MMP24: variants seen among roughly 807,000 people sequenced by gnomAD.
The protein encoded by MMP24 is matrix metallopeptidase 24.
A neutral mutation model predicts 62.8 loss-of-function variants in MMP24; 25 were observed. The observed-to-expected ratio is 0.40, with a 90% CI of 0.29 to 0.56. The LOEUF is 0.56. Among genes scored for constraint, MMP24 ranks in the 20% least tolerant of loss-of-function variants. The pLI, the probability that MMP24 is intolerant of heterozygous loss-of-function variation, is 0.50. For missense variants in MMP24, 634 were observed against 853.6 expected, an observed-to-expected ratio of 0.74 and a Z score of 3.21; for synonymous variants, 319 against 350.5, an observed-to-expected ratio of 0.91 and a Z score of 1.00.
chr20:35,271,652 C>T lies in MMP24; in HGVS notation c.1417C>T (p.Arg473Cys). The T allele has an allele frequency of 7.5e-6, 12 of 1,610,032 alleles. No individual in the cohort carries two copies. The highest frequency in any genetic ancestry group is 1.0e-5 in the Non-Finnish European group (12 of 1,178,310). Reference sequence around the variant, plus strand: ...GGGGGAGCTGGGCAGCTGTTTGCCCCGTGAAGGCATTGACACAGCTCTGCG... The same window carrying T: ...GGGGGAGCTGGGCAGCTGTTTGCCCTGTGAAGGCATTGACACAGCTCTGCG... The part of the protein sequence containing the change: ...SLGELGSCLP[R>C]EGIDTALRWE... Residue 473 changes from arginine (R) to cysteine (C), a missense_variant, in exon 8 of 9, where the codon CGT (arginine) becomes TGT (cysteine). This residue lies in a region of MMP24 where 399 missense variants were observed against 530.8 expected (regional missense o/e 0.75). Transcript: ENST00000246186. The surrounding 1 kb of genome is among the most constrained non-coding windows in gnomAD (Gnocchi z 4.0).
Position 35,267,262 on chromosome 20 carries a change from G to A in MMP24, c.1037G>A (p.Arg346Lys). 6.2e-7 allele frequency: 1 copy of A among 1,606,726 alleles called. No individual in the cohort carries two copies. ...TRPLPTLPVR[R>K]IHSPSERKHE... is the part of the protein sequence containing the mutation. ...CCACTCCCTACACTCCCCGTCCGCA[G>A]GATCCACTCACCATCGGAGAGGAAA... is the stretch of plus-strand genomic sequence containing the variant. Residue 346 changes from arginine to lysine, a missense_variant, in exon 6 of 9, where the codon AGG becomes AAG. Physicochemically the swap from Arg to Lys is conservative, Grantham distance 26. Around this residue, in one of 3 missense-constraint regions of MMP24, gnomAD observed 399 missense variants for 530.8 expected, o/e 0.75. Transcript: ENST00000246186.
At chr20:35,256,714 CA>C (rs74173944) in intron 4 of MMP24, among the ~76,000 whole-genome samples, 1,918 of 39,450 alleles carry the variant, frequency 0.049, 22 homozygotes, top group African/African-American at 0.092. Flanking sequence ...GATTCCGTCT[CA>C]AAAAAAAAAA....
In MMP24 at chr20:35,274,129, C is replaced by G. The variant is rs1357355638; in HGVS notation, c.1601-143C>G. On this transcript the variant is annotated intron_variant, in intron 8 of 8. Transcript: ENST00000246186. The surrounding 1 kb of genome is among the most constrained non-coding windows in gnomAD (Gnocchi z 5.1). ...CCCTCTGCAGCTTCTTACTCCATGA[C>G]TCAGCCAAGCACTGCACCCCAAACC... 2 of 775,800 alleles carry G rather than the reference C, an allele frequency of 2.6e-6. No individual in the cohort carries two copies. The highest frequency in any genetic ancestry group is 1.8e-5 in the African/African-American group (1 of 56,970). 48.1% of individuals were successfully genotyped at this position (775,800 alleles called of 1,614,324 possible). A position where few individuals can be genotyped will look rare whatever the true frequency, so the allele number is the denominator to read the frequency against.
intron 4 of MMP24, among the ~76,000 whole-genome samples, chr20:35,257,752 G>A (rs1271869344): frequency 6.6e-6 from 1 of 152,200 alleles, no homozygotes; most frequent in Non-Finnish European, 1.5e-5. Flanking sequence ...TAACCTTCAT[G>A]AAAGACTGCC....
At chr20:35,234,015 C>T (rs979641869) in intron 1 of MMP24, among the ~76,000 whole-genome samples, 3 of 152,100 alleles carry the variant, frequency 2.0e-5, no homozygotes, top group South Asian at 2.1e-4. Context: ...TTAATGAAGC[C>T]GATGAGGCCC....
At chr20:35,261,794 CCTTT>C (rs2060604298) in intron 4 of MMP24, among the ~76,000 whole-genome samples, 2 of 126,176 alleles carry the variant, frequency 1.6e-5, no homozygotes, top group East Asian at 2.3e-4. Flanking sequence ...CTCAGGGCAT[CCTTT>C]TTTTTTTTTT....
At chr20:35,252,870 T>G (rs1337621809) in intron 3 of MMP24, among the ~76,000 whole-genome samples, 1 of 32,706 alleles carries the variant, frequency 3.1e-5, no homozygotes, top group African/African-American at 1.2e-4. Context: ...CAGGTGGGGC[T>G]GGGGCAAGGG....
chr20:35,227,417 C>G (rs2060419434), intron 1 of MMP24, among the ~76,000 whole-genome samples: 2 of 151,958 alleles, frequency 1.3e-5, no homozygotes, highest in African/African-American at 4.8e-5. Context: ...GACTCGATCA[C>G]TGTCTTCGTA....
chr20:35,236,761 A>G (rs2060465256), intron 1 of MMP24, among the ~76,000 whole-genome samples: 1 of 152,040 alleles, frequency 6.6e-6, no homozygotes, highest in Non-Finnish European at 1.5e-5. Context: ...ACCACCTAAG[A>G]TCAGGAGTTC....
At chr20:35,229,611 G>C (rs1025250927) in intron 1 of MMP24, among the ~76,000 whole-genome samples, 1 of 152,046 alleles carries the variant, frequency 6.6e-6, no homozygotes, top group Non-Finnish European at 1.5e-5. Flanking sequence ...TAGAAATATT[G>C]TTGCTTTTAA....
chr20:35,276,398 C>A lies in MMP24; in HGVS notation c.*1789C>A, dbSNP rs1479003222. The A allele has an allele frequency of 2.5e-6, 1 of 398,382 alleles. No individual in the cohort carries two copies. Among genetic ancestry groups the A allele is most frequent in the Non-Finnish European group, 4.4e-6 (1 of 225,988 alleles). 24.7% of individuals were successfully genotyped at this position (398,382 alleles called of 1,614,324 possible). A position where few individuals can be genotyped will look rare whatever the true frequency, so the allele number is the denominator to read the frequency against. On this transcript the variant is annotated 3_prime_UTR_variant, in exon 9 of 9. Transcript: ENST00000246186. ...TTATTAGCTCACACCTGTCCACTCA[C>A]ATGAAACTCGTGTTAGGCCCTGGGA...
At chr20:35,258,591 T>C (rs568948756) in intron 4 of MMP24, among the ~76,000 whole-genome samples, 3 of 152,338 alleles carry the variant, frequency 2.0e-5, no homozygotes, top group African/African-American at 7.2e-5. Context: ...TTCCTGAATG[T>C]TGTTCATTAG....
At chr20:35,251,372 G>A (rs1372688300) in intron 2 of MMP24, among the ~76,000 whole-genome samples, 4 of 151,890 alleles carry the variant, frequency 2.6e-5, no homozygotes, top group African/African-American at 9.7e-5. Flanking sequence ...TAATCCACCC[G>A]CCTCAGCCTC....
At position 35,263,636 on chromosome 20, in the gene MMP24, G is replaced by C. The variant is rs1024921689; in HGVS notation, c.818-155G>C. 3 of 554,642 alleles carry C rather than the reference G, an allele frequency of 5.4e-6. No individual in the cohort carries two copies. The African/African-American group carries it at 5.9e-5, about 11-fold the overall frequency. 34.4% of individuals were successfully genotyped at this position (554,642 alleles called of 1,614,324 possible). On this transcript the variant is annotated intron_variant, in intron 4 of 8. Transcript: ENST00000246186. ...CCCTGCTCTGCAGAGAGGCTTGGGA[G>C]GCAGGGGTTGTGCCTGATTTCTCTG...
In MMP24 at chr20:35,226,998, GCGGGGCCGGGGCGCGGGCT is replaced by G. The variant is rs1050682972; in HGVS notation, c.246+21_246+39del. ...TTCGCCGGGCAGGTGGGGCTGGCGC[GCGGGGCCGGGGCGCGGGCT>G]CGGGGCATCCGGGCAGGGCGGGGGG... is the stretch of plus-strand genomic sequence containing the variant. On this transcript the variant is annotated intron_variant, in intron 1 of 8. Coordinates refer to ENST00000246186, the MANE Select transcript of MMP24 (RefSeq NM_006690.4). 2 of 980,092 alleles carry G rather than the reference GCGGGGCCGGGGCGCGGGCT, an allele frequency of 2.0e-6. No individual in the cohort carries two copies. Among genetic ancestry groups the G allele is most frequent in the Non-Finnish European group, 2.4e-6 (2 of 827,914 alleles). 60.7% of individuals were successfully genotyped at this position (980,092 alleles called of 1,614,324 possible). A position where few individuals can be genotyped will look rare whatever the true frequency, so the allele number is the denominator to read the frequency against.
Position 35,271,954 on chromosome 20 carries a change from G to C in MMP24, c.1600+119G>C. On this transcript the variant is annotated intron_variant, in intron 8 of 8. Transcript: ENST00000246186. The surrounding 1 kb of genome is among the most constrained non-coding windows in gnomAD (Gnocchi z 4.0). ...AGGTTTGAAAAAACACCTGGTGGCA[G>C]ACAACTGCCTCATATCTACCCATGT... 8.8e-7 allele frequency: 1 copy of C among 1,135,184 alleles called. No individual in the cohort carries two copies. Among genetic ancestry groups the C allele is most frequent in the Admixed American group, 2.9e-5 (1 of 34,768 alleles). The allele number at this position is 1,135,184 out of a possible 1,614,324, so 70.3% of individuals were successfully genotyped here.
Position 35,263,876 on chromosome 20 carries a change from G to A in MMP24, c.903G>A (p.Ala301=), listed in dbSNP as rs752992245. Residue 301 remains alanine (A), a synonymous_variant, in exon 5 of 9, where the codon GCG becomes GCA. Coordinates refer to ENST00000246186, the MANE Select transcript of MMP24 (RefSeq NM_006690.4). ...EHSSDPSAIM[A]PFYQYMETHN... ...CCAGCGACCCCAGCGCCATCATGGC[G>A]CCCTTCTACCAGTACATGGAGACGC... 1.6e-5 allele frequency: 25 copies of A among 1,612,890 alleles called. No individual in the cohort carries two copies. The highest frequency in any genetic ancestry group is 3.3e-5 in the Admixed American group (2 of 59,830).
At position 35,251,891 on chromosome 20, in the gene MMP24, C is replaced by T. The variant is rs757031804; in HGVS notation, c.396-14C>T. 6.2e-7 allele frequency: 1 copy of T among 1,600,442 alleles called. No individual in the cohort carries two copies. Among genetic ancestry groups the T allele is most frequent in the Non-Finnish European group, 8.6e-7 (1 of 1,167,590 alleles). ...CAGTGCATATGCGTGTGTGTGTGTC[C>T]TCTCTCTGCCCAGGTGGATGAAGAA... On this transcript the variant is annotated splice_polypyrimidine_tract_variant and intron_variant, in intron 2 of 8. Transcript: ENST00000246186.
intron 4 of MMP24, among the ~76,000 whole-genome samples, chr20:35,259,874 C>A (rs1336192747): frequency 6.6e-6 from 1 of 152,132 alleles, no homozygotes; most frequent in Admixed American, 6.5e-5. Flanking sequence ...TACTTCTGTA[C>A]CAGGAGCTGG....
Sources: allele counts gnomAD v4.1 joint callset (sites outside exome capture counted in the v4.1 genomes callset), GRCh38; gene constraint gnomAD v4.1.1; regional missense constraint gnomAD v4.1.1; non-coding constraint Gnocchi (gnomAD v3.1); transcripts MANE v1.5; gene names NCBI Gene and HGNC (gene_info 2026-07-23, HGNC 2026-07-21).